PCDHGB6: variants seen among roughly 807,000 people sequenced by gnomAD.
PCDHGB6 encodes the protein protocadherin gamma-B6.
In PCDHGB6, 51 loss-of-function variants were observed where a neutral mutation model predicts 59.1. The observed-to-expected ratio is 0.86, with a 90% CI of 0.69 to 1.09. The LOEUF (loss-of-function observed/expected upper bound fraction) is 1.09, where lower values mean the gene tolerates loss of function less well. PCDHGB6 is among the 50% of genes least tolerant of loss of function. The pLI, the probability that PCDHGB6 is intolerant of heterozygous loss-of-function variation, is 0.00. For synonymous variants in PCDHGB6, 466 were observed against 495.1 expected, an observed-to-expected ratio of 0.94 and a Z score of 0.78; for missense variants, 1,148 against 1,205.1, an observed-to-expected ratio of 0.95 and a Z score of 0.70.
intron 1 of PCDHGB6, among the ~76,000 whole-genome samples, chr5:141,438,340 G>A (rs1348587719): frequency 6.6e-6 from 1 of 151,522 alleles, no homozygotes; most frequent in Non-Finnish European, 1.5e-5. Flanking sequence ...TGTCATATAA[G>A]GATCTACTCT....
chr5:141,447,257 A>G (rs1182682161), intron 1 of PCDHGB6, among the ~76,000 whole-genome samples: 1 of 152,080 alleles, frequency 6.6e-6, no homozygotes, highest in Non-Finnish European at 1.5e-5. Flanking sequence ...CTTCTGTCTC[A>G]GCCTCCCAAG....
rs527641698 is a variant in PCDHGB6 at position 141,410,317 on chromosome 5, C to G, written c.2115C>G (p.Leu705=). The G allele has an allele frequency of 2.5e-6, 4 of 1,613,892 alleles. No homozygotes were observed. In the East Asian group the frequency reaches 6.7e-5, roughly 27 times the overall value. ...CCTTAATCTCAGTGCTCTTCCTCCT[C>G]GCCGTGATTCTGGCCATTGCCTTGC... ...ALALISVLFL[L]AVILAIALRL... is the part of the protein sequence containing the mutation. The change falls in exon 1 of 4, where the codon CTC becomes CTG. Residue 705 remains leucine (L), a synonymous_variant. Transcript: ENST00000520790.
chr5:141,410,361 G>A lies in PCDHGB6; in HGVS notation c.2159G>A (p.Ser720Asn). The change falls in exon 1 of 4, where the codon AGC becomes AAC. Residue 720 changes from serine (S) to asparagine (N), a missense_variant. Coordinates refer to ENST00000520790, the MANE Select transcript of PCDHGB6 (RefSeq NM_018926.3). ...AIALRLRRSL[S>N]PATWDCFHPG... ...GCCTTGCGCCTGCGACGCTCTCTCA[G>A]CCCTGCTACTTGGGACTGCTTCCAT... 1.9e-6 allele frequency: 3 copies of A among 1,614,034 alleles called. No individual in the cohort carries two copies. The highest frequency in any genetic ancestry group is 2.5e-6 in the Non-Finnish European group (3 of 1,179,908).
chr5:141,422,485 A>G, intron 1 of PCDHGB6: 2 of 1,613,980 alleles, frequency 1.2e-6, no homozygotes, highest in Non-Finnish European at 1.7e-6. Context: ...CCAGAGCTAC[A>G]ATATAACGTT....
At position 141,498,971 on chromosome 5, in the gene PCDHGB6, G is replaced by GGGAAGGAAGGAA. The variant is rs201769957; in HGVS notation, c.2477+4152_2477+4163dup. On this transcript the variant is annotated intron_variant, in intron 2 of 3. Coordinates refer to ENST00000520790, the MANE Select transcript of PCDHGB6 (RefSeq NM_018926.3). ...AAAAAGAGAGAGAGGGAGGGAGGGA[G>GGGAAGGAAGGAA]GGAAGGAAGGAAGGAAGGAAGGAAG... 6.8e-3 allele frequency among the ~76,000 whole-genome samples: 758 copies of GGGAAGGAAGGAA among 111,036 alleles called. 12 individuals are homozygous for GGGAAGGAAGGAA. Among genetic ancestry groups the GGGAAGGAAGGAA allele is most frequent in the African/African-American group, 0.021 (585 of 27,816 alleles). 72.8% of individuals were successfully genotyped at this position (111,036 alleles called of 152,430 possible). A position where few individuals can be genotyped will look rare whatever the true frequency, so the allele number is the denominator to read the frequency against.
chr5:141,489,428 G>C lies in PCDHGB6; in HGVS notation c.2419-5379G>C, dbSNP rs561792279. The C allele has an allele frequency of 1.2e-6, 2 of 1,613,994 alleles. No individual in the cohort carries two copies. Among genetic ancestry groups the C allele is most frequent in the Non-Finnish European group, 1.7e-6 (2 of 1,180,038 alleles). On this transcript the variant is annotated intron_variant, in intron 1 of 3. Coordinates refer to ENST00000520790, the MANE Select transcript of PCDHGB6 (RefSeq NM_018926.3). This position sits in a 1 kb window ranked among gnomAD's most constrained non-coding sequence, Gnocchi z 4.5. The stretch of plus-strand genomic sequence containing the variant: ...AAGATGACAGATCTGTTGAGCCGGC[G>C]GCTGCAATTGGGCTCTGAGGAGAAT...
intron 1 of PCDHGB6, among the ~76,000 whole-genome samples, chr5:141,482,144 G>C (rs564178008): frequency 1.3e-4 from 20 of 151,858 alleles, no homozygotes; most frequent in Admixed American, 9.8e-4. Flanking sequence ...GGCATAAAAA[G>C]GTCAAGTCAA....
chr5:141,437,388 C>T (rs1434464979), intron 1 of PCDHGB6, among the ~76,000 whole-genome samples: 1 of 152,186 alleles, frequency 6.6e-6, no homozygotes, highest in Non-Finnish European at 1.5e-5. Context: ...AGACATTCAT[C>T]CACTGCTTTC....
chr5:141,501,947 T>A (rs2099811963), intron 2 of PCDHGB6, among the ~76,000 whole-genome samples: 1 of 152,152 alleles, frequency 6.6e-6, no homozygotes, highest in Non-Finnish European at 1.5e-5. Context: ...CTGCTCCCTG[T>A]GACAGGTCAT....
intron 1 of PCDHGB6, chr5:141,412,918 G>T: frequency 2.4e-6 from 1 of 414,220 alleles, no homozygotes; most frequent in Non-Finnish European, 4.2e-6. Flanking sequence ...TATCACTTGG[G>T]TGCAGTAACT....
intron 3 of PCDHGB6, among the ~76,000 whole-genome samples, chr5:141,509,004 G>A (rs2099873761): frequency 6.6e-6 from 1 of 152,072 alleles, no homozygotes; most frequent in South Asian, 2.1e-4. Context: ...AGGAGAGGAG[G>A]AAGTGGGCAG....
intron 1 of PCDHGB6, among the ~76,000 whole-genome samples, chr5:141,442,879 A>T (rs1399128822): frequency 6.6e-6 from 1 of 152,256 alleles, no homozygotes; most frequent in Non-Finnish European, 1.5e-5. Flanking sequence ...TTTACAACTC[A>T]GAATCCCTGC....
At chr5:141,470,957 TCCTCCCACCTCAG>T (rs2099244488) in intron 1 of PCDHGB6, among the ~76,000 whole-genome samples, 1 of 152,026 alleles carries the variant, frequency 6.6e-6, no homozygotes, top group South Asian at 2.1e-4. Flanking sequence ...CCTCAAGTGA[TCCTCCCACCTCAG>T]CCTCCCAAAG....
At chr5:141,418,803 A>G (rs1358411126) in intron 1 of PCDHGB6, 1 of 1,613,894 alleles carries the variant, frequency 6.2e-7, no homozygotes, top group Non-Finnish European at 8.5e-7. Context: ...GTAGAAAGAT[A>G]TACGATAAAC....
chr5:141,430,754 A>G (rs778266116), intron 1 of PCDHGB6: 26 of 1,503,884 alleles, frequency 1.7e-5, no homozygotes, highest in East Asian at 4.6e-5. Flanking sequence ...CTGGAGGAAG[A>G]TAAGAATGAT....
At chr5:141,480,625 G>A (rs1041569361) in intron 1 of PCDHGB6, among the ~76,000 whole-genome samples, 2 of 152,070 alleles carry the variant, frequency 1.3e-5, no homozygotes, top group Non-Finnish European at 2.9e-5. Flanking sequence ...ATTTTCCCTA[G>A]AACAATGTTT....
chr5:141,427,787 C>T, intron 1 of PCDHGB6: 1 of 1,478,068 alleles, frequency 6.8e-7, no homozygotes, highest in Non-Finnish European at 9.4e-7. Flanking sequence ...CACTGTCGTC[C>T]TACGTGTCCG....
Position 141,408,837 on chromosome 5 carries a change from T to A in PCDHGB6, c.635T>A (p.Leu212Ter). Reference protein sequence around the residue: ...REEQRSHSLILTALDGGDPPR... With the variant: ...REEQRSHSLI ...GAACAGAGATCTCATAGCTTGATAT[T>A]GACTGCCTTGGACGGAGGGGACCCA... The change falls in exon 1 of 4, where the codon TTG becomes TAG. Residue 212 changes from leucine to a stop codon, truncating the protein, a stop_gained. Transcript: ENST00000520790. LOFTEE classifies it high-confidence loss of function. 1 of 1,613,716 alleles carries A rather than the reference T, an allele frequency of 6.2e-7. No homozygotes were observed. Among genetic ancestry groups the A allele is most frequent in the Non-Finnish European group, 8.5e-7 (1 of 1,179,800 alleles).
chr5:141,429,913 T>C (rs1013990672), intron 1 of PCDHGB6, among the ~76,000 whole-genome samples: 29 of 152,238 alleles, frequency 1.9e-4, no homozygotes, highest in African/African-American at 7.0e-4. Context: ...TGAAATATAA[T>C]GTATTAATAG....
Sources: gnomAD v4.1 joint callset for allele counts (sites outside exome capture counted in the v4.1 genomes callset) on GRCh38, gnomAD v4.1.1 for gene constraint, Gnocchi (gnomAD v3.1) non-coding constraint, MANE v1.5 for transcripts, NCBI Gene and HGNC (gene_info 2026-07-23, HGNC 2026-07-21) for gene names.